Variants in PCDH15 observed in about 807,000 individuals in gnomAD.
PCDH15 encodes the protein protocadherin-15.
A neutral mutation model predicts 178.5 loss-of-function variants in PCDH15; 129 were observed. The observed-to-expected ratio is 0.72, with a 90% CI of 0.63 to 0.84. The LOEUF (loss-of-function observed/expected upper bound fraction) is 0.84, where lower values mean the gene tolerates loss of function less well. Among genes scored for constraint, PCDH15 ranks in the 40% least tolerant of loss-of-function variants. The pLI is 0.00. For missense variants in PCDH15, 2,230 were observed against 2,099.9 expected (o/e 1.06, Z -1.21); for synonymous variants, 800 against 732.0 (o/e 1.09, Z -1.50).
intron 1 of PCDH15, among the ~76,000 whole-genome samples, chr10:55,177,819 C>T (rs987697229): frequency 1.1e-4 from 16 of 152,192 alleles, no homozygotes; most frequent in Middle Eastern, 3.4e-3. Context: ...CAGAGAGAAC[C>T]TCAAAGAAAC....
At chr10:55,250,922 A>G (rs916869713) in intron 1 of PCDH15, among the ~76,000 whole-genome samples, 5 of 152,080 alleles carry the variant, frequency 3.3e-5, no homozygotes, top group Non-Finnish European at 4.4e-5. Context: ...ATTACAAACA[A>G]ATAATGCTCG....
chr10:55,160,452 TG>T (rs1430276104), intron 2 of PCDH15, among the ~76,000 whole-genome samples: 2 of 152,022 alleles, frequency 1.3e-5, no homozygotes, highest in African/African-American at 4.8e-5. Context: ...ATGCTTTTTT[TG>T]GTCCCCAAAA....
At chr10:55,417,410 T>C (rs1838509310) in intron 2 of PCDH15, among the ~76,000 whole-genome samples, 1 of 151,654 alleles carries the variant, frequency 6.6e-6, no homozygotes, top group South Asian at 2.1e-4. Flanking sequence ...AGCATCTAAA[T>C]TATAAAAAAG....
intron 2 of PCDH15, among the ~76,000 whole-genome samples, chr10:55,621,591 G>A (rs189442162): frequency 6.6e-5 from 10 of 152,276 alleles, no homozygotes; most frequent in Non-Finnish European, 1.2e-4. Flanking sequence ...GGTTAGCTGC[G>A]CATGTGAGGG....
intron 21 of PCDH15, among the ~76,000 whole-genome samples, chr10:53,986,589 T>C (rs1191266015): frequency 6.6e-6 from 1 of 152,206 alleles, no homozygotes; most frequent in African/African-American, 2.4e-5. Context: ...TGTTCATTGA[T>C]GGATGAGTGG....
intron 2 of PCDH15, among the ~76,000 whole-genome samples, chr10:55,548,548 G>A (rs1841939514): frequency 6.6e-6 from 1 of 152,128 alleles, no homozygotes; most frequent in Non-Finnish European, 1.5e-5. Flanking sequence ...ACCTTGAAAG[G>A]GAGATTACTC....
intron 7 of PCDH15, among the ~76,000 whole-genome samples, chr10:54,319,342 C>T (rs1426048656): frequency 6.6e-6 from 1 of 152,028 alleles, no homozygotes; most frequent in Non-Finnish European, 1.5e-5. Flanking sequence ...GCATATGATT[C>T]AAGCATAAAA....
At chr10:53,894,015 G>A (rs1234290970) in intron 26 of PCDH15, among the ~76,000 whole-genome samples, 1 of 151,628 alleles carries the variant, frequency 6.6e-6, no homozygotes, top group African/African-American at 2.4e-5. Context: ...GTGTCAGGGG[G>A]GTTTGTTGTA....
At chr10:55,344,589 T>C (rs796899666) in intron 2 of PCDH15, among the ~76,000 whole-genome samples, 11 of 152,036 alleles carry the variant, frequency 7.2e-5, no homozygotes, top group African/African-American at 2.7e-4. Context: ...ACGCAACTAG[T>C]AGGAGGGAAT....
rs140516168 is a variant in PCDH15, at chr10:54,153,278, C to G, written c.1606G>C (p.Ala536Pro). The part of the protein sequence containing the change: ...DSVIQLTAVD[A>P]DEGSNGEITY... Reference sequence around the variant, plus strand: ...ATCTCCCCATTTGACCCTTCGTCTGCGTCGACTGCAGTGAGCTGGAATTGA... The same window carrying G: ...ATCTCCCCATTTGACCCTTCGTCTGGGTCGACTGCAGTGAGCTGGAATTGA... The change falls in exon 14 of 38, where the codon GCA becomes CCA. Residue 536 changes from alanine (A) to proline (P), a missense_variant. Transcript: ENST00000644397. 48 of 1,613,630 alleles carry G rather than the reference C, an allele frequency of 3.0e-5. No homozygotes were observed. In the African/African-American group the frequency reaches 5.9e-4, roughly 20 times the overall value.
At chr10:55,055,204 G>A (rs934713464) in intron 2 of PCDH15, among the ~76,000 whole-genome samples, 7 of 152,108 alleles carry the variant, frequency 4.6e-5, no homozygotes, top group African/African-American at 1.7e-4. Flanking sequence ...TGTACGAAAG[G>A]GATCCAGTCT....
chr10:55,306,657 G>C (rs1196262725), intron 1 of PCDH15, among the ~76,000 whole-genome samples: 1 of 152,192 alleles, frequency 6.6e-6, no homozygotes. Flanking sequence ...AGATTTAATA[G>C]AAACTCGAGA....
At chr10:54,716,139 C>T (rs1242148551) in intron 1 of PCDH15, among the ~76,000 whole-genome samples, 3 of 152,112 alleles carry the variant, frequency 2.0e-5, no homozygotes, top group Admixed American at 2.0e-4. Context: ...CATTGGGAAA[C>T]CTGTGGGTGG....
intron 2 of PCDH15, among the ~76,000 whole-genome samples, chr10:55,416,490 C>A (rs1589006097): frequency 6.6e-6 from 1 of 151,648 alleles, no homozygotes; most frequent in African/African-American, 2.4e-5. Flanking sequence ...ATTATGATAG[C>A]ACAAAAATGA....
At chr10:54,243,325 G>A (rs974286294) in intron 8 of PCDH15, among the ~76,000 whole-genome samples, 5 of 152,096 alleles carry the variant, frequency 3.3e-5, no homozygotes, top group Non-Finnish European at 5.9e-5. Context: ...TGGCTAACAC[G>A]GTGAAACCCC....
At chr10:54,884,922 CAT>C (rs909546226) in intron 3 of PCDH15, among the ~76,000 whole-genome samples, 108 of 152,026 alleles carry the variant, frequency 7.1e-4, no homozygotes, top group African/African-American at 2.5e-3. Flanking sequence ...AAGTATTTCT[CAT>C]GTGATTTTAT....
At position 55,261,001 on chromosome 10, in the gene PCDH15, C is replaced by T. The variant is rs114009013; in HGVS notation, c.-156+58598G>A. ...GCTTTTTTTCTATTGAATAGTGATGCTTCTGGGGTAATGTGATGGTCCACA... is the reference window on the plus strand; with the variant it reads ...GCTTTTTTTCTATTGAATAGTGATGTTTCTGGGGTAATGTGATGGTCCACA... On this transcript the variant is annotated intron_variant, in intron 1 of 5. Coordinates refer to the PCDH15 transcript ENST00000458638. Among the ~76,000 whole-genome samples, 564 of 151,960 alleles carry T rather than the reference C, an allele frequency of 3.7e-3. 3 individuals are homozygous for T. Among genetic ancestry groups the T allele is most frequent in the African/African-American group, 0.013 (522 of 41,444 alleles).
chr10:55,329,766 A>G (rs916582382), intron 2 of PCDH15, among the ~76,000 whole-genome samples: 4 of 151,806 alleles, frequency 2.6e-5, no homozygotes, highest in Non-Finnish European at 5.9e-5. Context: ...ATATATGATT[A>G]AACAGGAAAC....
In PCDH15 at chr10:54,764,001, C is replaced by T. The variant is rs78838445; in HGVS notation, c.-29+36924G>A. On this transcript the variant is annotated intron_variant, in intron 1 of 37. Transcript: ENST00000644397. ...AAAAGTAAAAAGGGATTTTTTTAAT[C>T]GACTCGAAGAAGAAAAAGATCTTTT... 4.2e-3 allele frequency among the ~76,000 whole-genome samples: 643 copies of T among 151,426 alleles called. 5 individuals carry two copies. The highest frequency in any genetic ancestry group is 0.015 in the African/African-American group (613 of 41,308).
Sources: gnomAD v4.1 joint callset for allele counts (sites outside exome capture counted in the v4.1 genomes callset) on GRCh38, gnomAD v4.1.1 for gene constraint, MANE v1.5 for transcripts, NCBI Gene and HGNC (gene_info 2026-07-23, HGNC 2026-07-21) for gene names.